NECTIN3: variants seen among roughly 807,000 people sequenced by gnomAD.
NECTIN3 encodes nectin cell adhesion molecule 3.
A neutral mutation model predicts 49.4 loss-of-function variants in NECTIN3; 8 were observed. That is an observed-to-expected ratio of 0.16 (90% CI 0.10 to 0.29). The LOEUF (loss-of-function observed/expected upper bound fraction) is 0.29. Ranked by LOEUF, NECTIN3 falls within the 10% of genes least tolerant of loss-of-function variation. The pLI, the probability that NECTIN3 is intolerant of heterozygous loss-of-function variation, is 1.00. For synonymous variants in NECTIN3, 277 were observed against 241.1 expected (o/e 1.15, Z -1.38); for missense variants, 581 against 654.6 (o/e 0.89, Z 1.23).
chr3:111,076,813 A>C (rs2031231369), intron 1 of NECTIN3, among the ~76,000 whole-genome samples: 1 of 151,922 alleles, frequency 6.6e-6, no homozygotes, highest in Non-Finnish European at 1.5e-5. Context: ...CGTCTTTACC[A>C]AAAATACAAA....
chr3:111,152,082 A>G (rs1011366787), intron 7 of NECTIN3, among the ~76,000 whole-genome samples: 8 of 151,804 alleles, frequency 5.3e-5, no homozygotes, highest in Non-Finnish European at 2.9e-5. Flanking sequence ...TATTATTGAG[A>G]TGCAGAGAGC....
chr3:111,116,552 A>C (rs2107458505), intron 2 of NECTIN3, among the ~76,000 whole-genome samples: 1 of 152,250 alleles, frequency 6.6e-6, no homozygotes, highest in South Asian at 2.1e-4. Context: ...TGATGACATT[A>C]GAGTTTCAAT....
chr3:111,174,369 C>G (rs2035486685), intron 7 of NECTIN3, among the ~76,000 whole-genome samples: 1 of 152,170 alleles, frequency 6.6e-6, no homozygotes, highest in African/African-American at 2.4e-5. Flanking sequence ...TCATTTTTCT[C>G]ACTTAATATG....
intron 5 of NECTIN3, among the ~76,000 whole-genome samples, chr3:111,130,201 C>T (rs921779979): frequency 7.2e-5 from 11 of 151,940 alleles, no homozygotes; most frequent in African/African-American, 2.2e-4. Context: ...CATGATCCAC[C>T]AGCCTCGGCC....
At chr3:111,096,106 G>T (rs181467318) in intron 1 of NECTIN3, among the ~76,000 whole-genome samples, 365 of 152,288 alleles carry the variant, frequency 2.4e-3, no homozygotes, top group African/African-American at 8.3e-3. Context: ...GAATGGCTTT[G>T]CCCAAAATGC....
In NECTIN3 at chr3:111,137,237, G is replaced by C; in HGVS notation, c.*3022G>C. On this transcript the variant is annotated 3_prime_UTR_variant, in exon 6 of 6. Coordinates refer to ENST00000485303, the MANE Select transcript of NECTIN3 (RefSeq NM_015480.3). ...TGAAAGTAATCAATGTAAAATATAA[G>C]AAAGGAATAAATGGTACCCATTTTG... The C allele has an allele frequency of 1.1e-6, 1 of 933,826 alleles. No individual in the cohort carries two copies. The highest frequency in any genetic ancestry group is 1.3e-6 in the Non-Finnish European group (1 of 783,214). The allele number at this position is 933,826 out of a possible 1,614,324, so 57.8% of individuals were successfully genotyped here. A position where few individuals can be genotyped will look rare whatever the true frequency, so the allele number is the denominator to read the frequency against.
chr3:111,142,991 G>C (rs933363853), intron 5 of NECTIN3, among the ~76,000 whole-genome samples: 2 of 151,838 alleles, frequency 1.3e-5, no homozygotes, highest in Non-Finnish European at 3.0e-5. Context: ...CCACTGACTA[G>C]AGATGTATGA....
At position 111,132,761 on chromosome 3, in the gene NECTIN3, A is replaced by G. The variant is rs557832844; in HGVS notation, c.1070-874A>G. Among the ~76,000 whole-genome samples the G allele has an allele frequency of 1.1e-4, 16 of 151,986 alleles. No homozygotes were observed. The South Asian group carries it at 3.1e-3, about 29-fold the overall frequency. ...TCTAAAATATTAGCTGTTCTTTTTG[A>G]GACTCCATCCTAAAGTAGTGACATT... On this transcript the variant is annotated intron_variant, in intron 5 of 5. Coordinates refer to ENST00000485303, the MANE Select transcript of NECTIN3 (RefSeq NM_015480.3).
intron 7 of NECTIN3, among the ~76,000 whole-genome samples, chr3:111,158,438 G>A (rs73854919): frequency 0.033 from 4,950 of 152,064 alleles, 95 homozygotes; most frequent in Middle Eastern, 0.058. Context: ...AAAAGAAATG[G>A]CATGTAAATG....
chr3:111,153,500 G>T (rs2035039135), intron 7 of NECTIN3, among the ~76,000 whole-genome samples: 1 of 151,908 alleles, frequency 6.6e-6, no homozygotes. Flanking sequence ...AGATAAGCTT[G>T]TTTTATAATG....
Position 111,147,930 on chromosome 3 carries a change from C to T in NECTIN3, c.1221+446C>T, listed in dbSNP as rs139107051. ...TTTATTCTATTTTGGAATCAGTTCA[C>T]GTTAATTCATGTGAAAGTATTGATT... On this transcript the variant is annotated intron_variant, in intron 7 of 8. Coordinates refer to the NECTIN3 transcript ENST00000493615. 1.4e-3 allele frequency among the ~76,000 whole-genome samples: 210 copies of T among 152,216 alleles called. 1 individual carries two copies. The highest frequency in any genetic ancestry group is 4.6e-3 in the African/African-American group (193 of 41,544).
chr3:111,090,180 C>A (rs7612572), intron 1 of NECTIN3, among the ~76,000 whole-genome samples: 107,480 of 152,072 alleles, frequency 0.71, 43,660 homozygotes, highest in Non-Finnish European at 0.93. Context: ...TTTAGAAAGT[C>A]AGTCTACTAG....
intron 1 of NECTIN3, among the ~76,000 whole-genome samples, chr3:111,074,566 G>A (rs907897488): frequency 2.0e-5 from 3 of 152,086 alleles, no homozygotes; most frequent in African/African-American, 7.2e-5. Context: ...CATCAAAACT[G>A]GTGGACCTGA....
intron 7 of NECTIN3, among the ~76,000 whole-genome samples, chr3:111,185,346 T>G (rs1161804022): frequency 6.6e-6 from 1 of 152,090 alleles, no homozygotes; most frequent in Admixed American, 6.6e-5. Context: ...GGATGGATAT[T>G]TTGTGTATAT....
Position 111,134,632 on chromosome 3 carries a change from C to T in NECTIN3, c.*417C>T. 1.1e-6 allele frequency: 1 copy of T among 888,802 alleles called. No individual in the cohort carries two copies. Among genetic ancestry groups the T allele is most frequent in the Non-Finnish European group, 1.3e-6 (1 of 742,236 alleles). The allele number at this position is 888,802 out of a possible 1,614,324, so 55.1% of individuals were successfully genotyped here. Reference sequence around the variant, plus strand: ...AACATATACCTCTCAAAATTTATCACCACTCAATGACACTGCATCAAAATT... The same window carrying T: ...AACATATACCTCTCAAAATTTATCATCACTCAATGACACTGCATCAAAATT... On this transcript the variant is annotated 3_prime_UTR_variant, in exon 6 of 6. Transcript: ENST00000485303.
At chr3:111,157,210 A>G (rs1576168259) in intron 7 of NECTIN3, among the ~76,000 whole-genome samples, 1 of 152,268 alleles carries the variant, frequency 6.6e-6, no homozygotes, top group East Asian at 1.9e-4. Flanking sequence ...AATATTTTTC[A>G]AAACGCATTA....
intron 6 of NECTIN3, chr3:111,145,086 C>T: frequency 6.7e-7 from 1 of 1,487,386 alleles, no homozygotes; most frequent in East Asian, 2.5e-5. Flanking sequence ...AGTATGTGTC[C>T]AATCTTTATG....
At chr3:111,078,626 A>T (rs986800288) in intron 1 of NECTIN3, among the ~76,000 whole-genome samples, 1 of 152,324 alleles carries the variant, frequency 6.6e-6, no homozygotes. Context: ...TGTTATGCAG[A>T]ATACACTATA....
chr3:111,080,320 T>A (rs2126714), intron 1 of NECTIN3, among the ~76,000 whole-genome samples: 121,627 of 152,060 alleles, frequency 0.8, 51,615 homozygotes, highest in Non-Finnish European at 0.94. Flanking sequence ...ATATATTTTC[T>A]TTATATTTAT....
Sources: gnomAD v4.1 joint callset for allele counts (sites outside exome capture counted in the v4.1 genomes callset) on GRCh38, gnomAD v4.1.1 for gene constraint, MANE v1.5 for transcripts, NCBI Gene and HGNC (gene_info 2026-07-23, HGNC 2026-07-21) for gene names.